AGAP1: variants seen among roughly 807,000 people sequenced by gnomAD.
AGAP1 encodes the protein arf-GAP with GTPase, ANK repeat and PH domain-containing protein 1.
A neutral mutation model predicts 105.3 loss-of-function variants in AGAP1; 29 were observed. The observed-to-expected ratio is 0.28, with a 90% confidence interval of 0.21 to 0.38. AGAP1 has a LOEUF of 0.38. Among genes scored for constraint, AGAP1 ranks in the 10% least tolerant of loss-of-function variants. The pLI, the probability that AGAP1 is intolerant of heterozygous loss-of-function variation, is 1.00. For synonymous variants in AGAP1, 509 were observed against 485.9 expected (o/e 1.05, Z -0.63); for missense variants, 998 against 1,165.1 (o/e 0.86, Z 2.09).
rs1177639818 is a variant in AGAP1 at position 235,740,754 on chromosome 2, C to G, written c.311-209C>G. Among the ~76,000 whole-genome samples the G allele has an allele frequency of 6.6e-6, 1 of 152,256 alleles. No individual in the cohort carries two copies. Among genetic ancestry groups the G allele is most frequent in the East Asian group, 1.9e-4 (1 of 5,206 alleles). ...TTGCGAAGGAAGCTGTGCCTTCCAA[C>G]TGGAAACGCACAGGGGTTCTTAAAG... On this transcript the variant is annotated intron_variant, in intron 3 of 17. Transcript: ENST00000304032. The surrounding 1 kb of genome is among the most constrained non-coding windows in gnomAD (Gnocchi z 5.7).
chr2:235,945,170 G>A (rs1444853089), intron 12 of AGAP1, among the ~76,000 whole-genome samples: 3 of 152,072 alleles, frequency 2.0e-5, no homozygotes, highest in African/African-American at 4.8e-5. Context: ...GCGCGATCTC[G>A]GCTCAATGCA....
intron 9 of AGAP1, among the ~76,000 whole-genome samples, chr2:235,861,083 A>G (rs1219423900): frequency 6.6e-6 from 1 of 152,230 alleles, no homozygotes; most frequent in Non-Finnish European, 1.5e-5. Context: ...GCAATACTTT[A>G]TATATAGTAT....
intron 6 of AGAP1, chr2:235,774,283 C>T (rs1045365059): frequency 1.1e-5 from 5 of 460,730 alleles, no homozygotes; most frequent in Admixed American, 5.0e-5. Flanking sequence ...CCACAGCCAT[C>T]AGAGGAGTCC....
rs998081354 is a variant in AGAP1 at position 235,721,515 on chromosome 2, G to C, written c.310+3871G>C. Among the ~76,000 whole-genome samples the C allele has an allele frequency of 6.6e-6, 1 of 151,886 alleles. No individual in the cohort carries two copies. The highest frequency in any genetic ancestry group is 2.4e-5 in the African/African-American group (1 of 41,212). ...TGTGTGTGTGTGTGTACACCTAGGT[G>C]TGTAATATATGTATGTGTACTTCAG... On this transcript the variant is annotated intron_variant, in intron 3 of 17. Coordinates refer to ENST00000304032, the MANE Select transcript of AGAP1 (RefSeq NM_001037131.3). The surrounding 1 kb of genome is among the most constrained non-coding windows in gnomAD (Gnocchi z 4.5).
At chr2:235,638,810 G>A (rs773893082) in intron 1 of AGAP1, among the ~76,000 whole-genome samples, 6 of 152,338 alleles carry the variant, frequency 3.9e-5, no homozygotes, top group South Asian at 2.1e-4. Context: ...GAGGGCTGGC[G>A]TGGGCCTCAG....
chr2:235,797,799 G>A lies in AGAP1; in HGVS notation c.714G>A (p.Leu238=), dbSNP rs1575492330. ...TTGCCACAAGGAAGAAGCAGCAGCTGTCCATAGGACCCTGCAAGTCGCTAC... is the reference window on the plus strand; with the variant it reads ...TTGCCACAAGGAAGAAGCAGCAGCTATCCATAGGACCCTGCAAGTCGCTAC... ...KIVATRKKQQ[L]SIGPCKSLPN... Residue 238 remains leucine (L), a synonymous_variant, in exon 7 of 18, where the codon CTG becomes CTA. Transcript: ENST00000304032. The A allele has an allele frequency of 2.5e-6, 4 of 1,614,174 alleles. No homozygotes were observed. The African/African-American group carries it at 4.0e-5, about 16-fold the overall frequency.
rs1333349317 is a variant in AGAP1 at position 236,020,462 on chromosome 2, G to A, written c.1646-16099G>A. Among the ~76,000 whole-genome samples the A allele has an allele frequency of 2.0e-5, 3 of 152,150 alleles. No individual in the cohort carries two copies. Among genetic ancestry groups the A allele is most frequent in the East Asian group, 1.9e-4 (1 of 5,202 alleles). ...CATTTGCTGTCATCTGAGAAGAATC[G>A]TCAGTTGTAGAAATTTGGCTAAAAG... On this transcript the variant is annotated intron_variant, in intron 13 of 17. Transcript: ENST00000304032. The surrounding 1 kb of genome is among the most constrained non-coding windows in gnomAD (Gnocchi z 5.0).
chr2:235,969,905 T>A (rs986381056), intron 13 of AGAP1, among the ~76,000 whole-genome samples: 3 of 152,138 alleles, frequency 2.0e-5, no homozygotes, highest in Non-Finnish European at 4.4e-5. Flanking sequence ...ATTTAGCCAA[T>A]AAAAACTGAT....
At position 235,797,634 on chromosome 2, in the gene AGAP1, C is replaced by A. The variant is rs555927194; in HGVS notation, c.674-125C>A. On this transcript the variant is annotated intron_variant, in intron 6 of 17. Transcript: ENST00000304032. ...TGGTTGTCATTTGCCCACCTAAGAA[C>A]CAGGAATGCTATTACTGCGAAAGAA... 1,637 of 1,256,680 alleles carry A rather than the reference C, an allele frequency of 1.3e-3. 2 individuals are homozygous for A. Among genetic ancestry groups the A allele is most frequent in the Non-Finnish European group, 1.7e-3 (1,491 of 892,004 alleles). The allele number at this position is 1,256,680 out of a possible 1,614,324, so 77.8% of individuals were successfully genotyped here.
chr2:236,043,704 G>A (rs548226979), intron 15 of AGAP1, among the ~76,000 whole-genome samples: 5 of 149,874 alleles, frequency 3.3e-5, no homozygotes, highest in Non-Finnish European at 7.4e-5. Context: ...CTGGGCGACA[G>A]AGTGAGATTT....
chr2:235,587,231 C>T lies in AGAP1; in HGVS notation c.163+92382C>T, dbSNP rs188893524. ...TGCAGAGCATTCTGGGTGGAAAAGT[C>T]GGACCAAGTTTCTGAGGGGAGGACG... On this transcript the variant is annotated intron_variant, in intron 1 of 17. Coordinates refer to ENST00000304032, the MANE Select transcript of AGAP1 (RefSeq NM_001037131.3). Among the ~76,000 whole-genome samples, 286 of 152,262 alleles carry T rather than the reference C, an allele frequency of 1.9e-3. 5 individuals carry two copies. Among genetic ancestry groups the T allele is most frequent in the Non-Finnish European group, 4.3e-4 (29 of 68,030 alleles).
intron 6 of AGAP1, among the ~76,000 whole-genome samples, chr2:235,797,462 A>G (rs1957295396): frequency 6.6e-6 from 1 of 150,642 alleles, no homozygotes; most frequent in South Asian, 2.1e-4. Context: ...ATTTAGGCAA[A>G]GGGAGGCTCT....
chr2:235,938,120 G>A (rs771150756), intron 12 of AGAP1, among the ~76,000 whole-genome samples: 1 of 152,182 alleles, frequency 6.6e-6, no homozygotes, highest in Non-Finnish European at 1.5e-5. Context: ...CGGCAGTCCT[G>A]CTGCCACCAG....
At chr2:235,948,276 G>A (rs2053583882) in intron 12 of AGAP1, among the ~76,000 whole-genome samples, 1 of 150,664 alleles carries the variant, frequency 6.6e-6, no homozygotes, top group Non-Finnish European at 1.5e-5. Context: ...TCTGCCTCCT[G>A]GGCTCAAGGG....
chr2:236,060,522 CTA>C (rs1051077968), intron 16 of AGAP1, among the ~76,000 whole-genome samples: 3 of 151,936 alleles, frequency 2.0e-5, no homozygotes, highest in East Asian at 2.0e-4. Flanking sequence ...TACCCCATCT[CTA>C]TAAAAAATAA....
At chr2:235,581,634 C>T (rs1019082559) in intron 1 of AGAP1, among the ~76,000 whole-genome samples, 3 of 151,618 alleles carry the variant, frequency 2.0e-5, no homozygotes, top group Non-Finnish European at 2.9e-5. Flanking sequence ...GGTGAAATTC[C>T]GTCTCTGCTA....
chr2:235,738,092 A>G (rs1186541460), intron 3 of AGAP1, among the ~76,000 whole-genome samples: 6 of 151,988 alleles, frequency 3.9e-5, no homozygotes, highest in Admixed American at 1.3e-4. Flanking sequence ...TGGCTGTGAT[A>G]TATGTTAGGG....
At position 235,789,014 on chromosome 2, in the gene AGAP1, CT is replaced by C. The variant is rs1559490293; in HGVS notation, c.674-8742del. On this transcript the variant is annotated intron_variant, in intron 6 of 17. Coordinates refer to ENST00000304032, the MANE Select transcript of AGAP1 (RefSeq NM_001037131.3). The surrounding 1 kb of genome is among the most constrained non-coding windows in gnomAD (Gnocchi z 4.2). ...ACATTCCTGATTTTTGGCAGCTCGA[CT>C]TTGGGATTAAATGTTAAGGAACTAT... 1.3e-5 allele frequency among the ~76,000 whole-genome samples: 2 copies of C among 152,260 alleles called. No individual in the cohort carries two copies. Among genetic ancestry groups the C allele is most frequent in the East Asian group, 3.9e-4 (2 of 5,174 alleles).
chr2:235,677,049 CTTG>C (rs776019583), intron 1 of AGAP1, among the ~76,000 whole-genome samples: 5 of 152,138 alleles, frequency 3.3e-5, no homozygotes, highest in Non-Finnish European at 7.4e-5. Flanking sequence ...TTGATTGTTC[CTTG>C]TTGGTGATAG....
Sources: allele counts gnomAD v4.1 joint callset (sites outside exome capture counted in the v4.1 genomes callset), GRCh38; gene constraint gnomAD v4.1.1; non-coding constraint Gnocchi (gnomAD v3.1); transcripts MANE v1.5; gene names NCBI Gene and HGNC (gene_info 2026-07-23, HGNC 2026-07-21).